Variants in NAV2 observed in about 807,000 individuals in gnomAD.
The protein encoded by NAV2 is helicase, APC down-regulated 1.
Under a neutral mutation model 223.2 loss-of-function variants are expected in NAV2, and 54 were observed. The observed-to-expected ratio is 0.24, with a 90% CI of 0.19 to 0.30. The LOEUF is 0.30. Ranked by LOEUF, NAV2 falls within the 10% of genes least tolerant of loss-of-function variation. NAV2 has a pLI of 1.00. For missense variants in NAV2, 2,806 were observed against 3,147.5 expected, an observed-to-expected ratio of 0.89 and a Z score of 2.60; for synonymous variants, 1,279 against 1,239.3, an observed-to-expected ratio of 1.03 and a Z score of -0.67.
chr11:19,725,780 G>C (rs997415496), intron 1 of NAV2, among the ~76,000 whole-genome samples: 1 of 152,198 alleles, frequency 6.6e-6, no homozygotes, highest in Non-Finnish European at 1.5e-5. Flanking sequence ...CCATGTATTA[G>C]GCATGAACTG....
chr11:19,843,501 T>G (rs1803569577), intron 3 of NAV2, among the ~76,000 whole-genome samples: 1 of 152,228 alleles, frequency 6.6e-6, no homozygotes, highest in Admixed American at 6.5e-5. Context: ...CCCCCAAAAC[T>G]AATCTTTTAA....
intron 1 of NAV2, among the ~76,000 whole-genome samples, chr11:19,538,220 C>T (rs1434432852): frequency 6.6e-6 from 1 of 152,238 alleles, no homozygotes; most frequent in Non-Finnish European, 1.5e-5. Context: ...AGCTGTGACA[C>T]ATCTCTAGAG....
chr11:19,353,739 T>TAAAA (rs1172219056), intron 1 of NAV2, among the ~76,000 whole-genome samples: 1 of 152,158 alleles, frequency 6.6e-6, no homozygotes, highest in Non-Finnish European at 1.5e-5. Context: ...TTTAAATCCT[T>TAAAA]AAAAAAATAC....
rs144924619 is a variant in NAV2, at chr11:19,446,024, G to T, written c.75+94997G>T. ...CTTGTGTCAACAATGTCTTTGTGGT[G>T]CAAAGCCCAAGTCATTTTGCTTTAC... On this transcript the variant is annotated intron_variant, in intron 1 of 37. Transcript: ENST00000360655. 3.0e-3 allele frequency among the ~76,000 whole-genome samples: 455 copies of T among 152,288 alleles called. 1 individual carries two copies. Among genetic ancestry groups the T allele is most frequent in the African/African-American group, 0.01 (419 of 41,552 alleles).
chr11:19,649,955 A>G (rs547272820), intron 1 of NAV2, among the ~76,000 whole-genome samples: 2 of 152,370 alleles, frequency 1.3e-5, no homozygotes, highest in South Asian at 2.1e-4. Context: ...TGGCAACGAC[A>G]TGAAGCAACT....
chr11:19,375,645 T>C (rs1848617207), intron 1 of NAV2, among the ~76,000 whole-genome samples: 2 of 152,218 alleles, frequency 1.3e-5, no homozygotes, highest in Admixed American at 1.3e-4. Flanking sequence ...GTGGCTCGGA[T>C]GGACCTAAAT....
intron 6 of NAV2, among the ~76,000 whole-genome samples, chr11:19,898,921 C>G (rs2042220943): frequency 6.6e-6 from 1 of 152,194 alleles, no homozygotes. Context: ...GACTTGTTTA[C>G]TGACACTGCT....
chr11:19,556,991 T>C (rs1046530619), intron 1 of NAV2, among the ~76,000 whole-genome samples: 2 of 152,258 alleles, frequency 1.3e-5, no homozygotes, highest in African/African-American at 4.8e-5. Context: ...GTTTTTTACT[T>C]CTTTCTCTTT....
intron 1 of NAV2, among the ~76,000 whole-genome samples, chr11:19,638,423 G>A (rs1295067876): frequency 1.3e-5 from 2 of 152,206 alleles, no homozygotes; most frequent in African/African-American, 2.4e-5. Flanking sequence ...GACATATGTG[G>A]TGGATTAAGA....
At chr11:19,397,420 C>CGCGCGTGTGTGTGTGTGT (rs1849504266) in intron 1 of NAV2, among the ~76,000 whole-genome samples, 1 of 32,238 alleles carries the variant, frequency 3.1e-5, no homozygotes, top group Non-Finnish European at 7.9e-5. Flanking sequence ...TGTGTGTGTG[C>CGCGCGTGTGTGTGTGTGT]GCGCATGTGT....
At chr11:19,594,940 C>T (rs1438465389) in intron 1 of NAV2, among the ~76,000 whole-genome samples, 6 of 152,156 alleles carry the variant, frequency 3.9e-5, no homozygotes, top group Admixed American at 1.3e-4. Flanking sequence ...CTATCAAGCA[C>T]TTACTTTGTG....
chr11:19,965,110 G>A (rs768061263), intron 10 of NAV2, among the ~76,000 whole-genome samples: 1 of 151,896 alleles, frequency 6.6e-6, no homozygotes, highest in Non-Finnish European at 1.5e-5. Flanking sequence ...TGAGCCACTG[G>A]ACCCAGCCTC....
intron 1 of NAV2, among the ~76,000 whole-genome samples, chr11:19,682,305 C>T (rs370271449): frequency 5.3e-5 from 8 of 152,192 alleles, no homozygotes; most frequent in African/African-American, 1.7e-4. Context: ...AAACTTTTTA[C>T]ACACATGCCT....
chr11:19,525,512 C>T (rs186411722), intron 1 of NAV2, among the ~76,000 whole-genome samples: 31 of 152,256 alleles, frequency 2.0e-4, no homozygotes, highest in African/African-American at 6.0e-4. Context: ...ATCTTCTTTA[C>T]GAAGGTGTTG....
chr11:20,086,478 C>G (rs1378338675), intron 26 of NAV2, among the ~76,000 whole-genome samples: 3 of 152,172 alleles, frequency 2.0e-5, no homozygotes, highest in Non-Finnish European at 2.9e-5. Flanking sequence ...GCCAGTGCTC[C>G]CCATGGTCCC....
chr11:19,583,740 G>A (rs1358690689), intron 1 of NAV2, among the ~76,000 whole-genome samples: 1 of 152,168 alleles, frequency 6.6e-6, no homozygotes, highest in Non-Finnish European at 1.5e-5. Context: ...ACTTGATCGT[G>A]GTGGATAACT....
intron 1 of NAV2, among the ~76,000 whole-genome samples, chr11:19,684,933 C>A (rs1036551799): frequency 6.6e-6 from 1 of 152,182 alleles, no homozygotes; most frequent in African/African-American, 2.4e-5. Flanking sequence ...ATTGTAGGTG[C>A]TCAGTGAGTG....
upstream of NAV2, among the ~76,000 whole-genome samples, chr11:19,350,466 G>C (rs564736552): frequency 6.6e-6 from 1 of 152,240 alleles, no homozygotes; most frequent in Non-Finnish European, 1.5e-5. Context: ...GCGGCTTTCC[G>C]CGCAGTGTTT....
At chr11:19,969,031 A>G (rs1490726855) in intron 10 of NAV2, among the ~76,000 whole-genome samples, 1 of 152,174 alleles carries the variant, frequency 6.6e-6, no homozygotes, top group African/African-American at 2.4e-5. Context: ...GCCTTCCTAC[A>G]GGGAGAAACG....
Sources: allele counts gnomAD v4.1 joint callset (sites outside exome capture counted in the v4.1 genomes callset), GRCh38; gene constraint gnomAD v4.1.1; transcripts MANE v1.5; gene names NCBI Gene and HGNC (gene_info 2026-07-23, HGNC 2026-07-21).